MECOM: variants seen among roughly 807,000 people sequenced by gnomAD.
The protein encoded by MECOM is histone-lysine N-methyltransferase MECOM.
Under a neutral mutation model 116.3 loss-of-function variants are expected in MECOM, and 13 were observed. The observed-to-expected ratio is 0.11, with a 90% CI of 0.07 to 0.18. MECOM has a LOEUF of 0.18. Ranked by LOEUF, MECOM falls within the 10% of genes least tolerant of loss-of-function variation. The pLI, the probability that MECOM is intolerant of heterozygous loss-of-function variation, is 1.00. For synonymous variants in MECOM, 528 were observed against 535.2 expected, an observed-to-expected ratio of 0.99 and a Z score of 0.19; for missense variants, 1,299 against 1,509.0, an observed-to-expected ratio of 0.86 and a Z score of 2.31.
chr3:169,363,193 A>C (rs533979111), intron 2 of MECOM, among the ~76,000 whole-genome samples: 1 of 152,028 alleles, frequency 6.6e-6, no homozygotes, highest in Non-Finnish European at 1.5e-5. Flanking sequence ...TTAGCTTTGA[A>C]ACCCTCTGAC....
rs183149158 is a variant in MECOM, at chr3:169,472,503, G to A, written c.38-90979C>T. 2.6e-3 allele frequency among the ~76,000 whole-genome samples: 218 copies of A among 82,828 alleles called. 9 individuals are homozygous for A. Among genetic ancestry groups the A allele is most frequent in the African/African-American group, 8.0e-3 (143 of 17,796 alleles). The allele number at this position is 82,828 out of a possible 152,430, so 54.3% of individuals were successfully genotyped here. A position where few individuals can be genotyped will look rare whatever the true frequency, so the allele number is the denominator to read the frequency against. ...GAAAGGAAAGGAAAGGAAAGGAAAG[G>A]AAAGGAAAGGAAAGGAAAGAAAAGA... On this transcript the variant is annotated intron_variant, in intron 1 of 16. Coordinates refer to ENST00000651503, the MANE Select transcript of MECOM (RefSeq NM_004991.4).
intron 1 of MECOM, among the ~76,000 whole-genome samples, chr3:169,495,669 G>T (rs1431559536): frequency 6.6e-6 from 1 of 152,086 alleles, no homozygotes; most frequent in East Asian, 1.9e-4. Context: ...GAGGCTAAAT[G>T]GCCCAAACCT....
At chr3:169,182,424 G>A (rs1460353491) in intron 2 of MECOM, among the ~76,000 whole-genome samples, 2 of 152,198 alleles carry the variant, frequency 1.3e-5, no homozygotes, top group Non-Finnish European at 2.9e-5. Flanking sequence ...TGATGCACGA[G>A]CTCCGCTGAC....
chr3:169,354,078 G>A (rs1346553628), intron 2 of MECOM, among the ~76,000 whole-genome samples: 7 of 151,712 alleles, frequency 4.6e-5, no homozygotes, highest in Admixed American at 2.6e-4. Context: ...ACATAACAAC[G>A]TGAGTTATAA....
chr3:169,153,877 AT>A (rs780505039), intron 2 of MECOM, among the ~76,000 whole-genome samples: 1 of 152,192 alleles, frequency 6.6e-6, no homozygotes, highest in Non-Finnish European at 1.5e-5. Context: ...GTTTCACAGT[AT>A]TTGTGTTTGT....
At chr3:169,146,818 G>A in intron 2 of MECOM, 1 of 1,094,432 alleles carries the variant, frequency 9.1e-7, no homozygotes. Flanking sequence ...CAACGCTCCT[G>A]CACGAAAATC....
rs375469747 is a variant in MECOM, at chr3:169,251,974, T to C, written c.376-108142A>G. 2.6e-5 allele frequency among the ~76,000 whole-genome samples: 4 copies of C among 152,346 alleles called. No homozygotes were observed. The East Asian group carries it at 7.7e-4, about 29-fold the overall frequency. ...TGTATTCTATACCCATTGTATAGTT[T>C]TTAGATGTACATTTATTTTATTGAG... On this transcript the variant is annotated intron_variant, in intron 2 of 16. Coordinates refer to ENST00000651503, the MANE Select transcript of MECOM (RefSeq NM_004991.4).
intron 2 of MECOM, among the ~76,000 whole-genome samples, chr3:169,345,831 C>T (rs373281973): frequency 5.3e-5 from 8 of 152,058 alleles, no homozygotes; most frequent in East Asian, 3.9e-4. Context: ...TTTTACATAA[C>T]GACATGGCAC....
intron 1 of MECOM, among the ~76,000 whole-genome samples, chr3:169,449,497 C>T (rs1745194819): frequency 6.6e-6 from 1 of 152,060 alleles, no homozygotes; most frequent in Non-Finnish European, 1.5e-5. Context: ...ATCATCAGCT[C>T]AGGATAAATG....
intron 1 of MECOM, among the ~76,000 whole-genome samples, chr3:169,606,147 C>T (rs1047606705): frequency 6.6e-6 from 1 of 152,184 alleles, no homozygotes; most frequent in African/African-American, 2.4e-5. Flanking sequence ...TGCGGTGGCT[C>T]ACGCCTGTAA....
chr3:169,340,191 A>G (rs1724257910), intron 2 of MECOM, among the ~76,000 whole-genome samples: 1 of 152,192 alleles, frequency 6.6e-6, no homozygotes, highest in South Asian at 2.1e-4. Flanking sequence ...ACAAACAAAA[A>G]TGAATGAAGC....
At chr3:169,122,841 T>C in intron 5 of MECOM, 114 bp from the exon 6 acceptor site, 1 of 1,211,936 alleles carries the variant, frequency 8.3e-7, no homozygotes, top group East Asian at 2.4e-5. Flanking sequence ...GGAGTTGAAC[T>C]GAGAAGGAGG....
At chr3:169,521,336 C>T (rs915873598) in intron 1 of MECOM, among the ~76,000 whole-genome samples, 7 of 152,132 alleles carry the variant, frequency 4.6e-5, no homozygotes, top group African/African-American at 1.7e-4. Flanking sequence ...TATTTCTGTC[C>T]TTTAAGAAGT....
intron 2 of MECOM, among the ~76,000 whole-genome samples, chr3:169,358,113 A>G (rs573972447): frequency 2.6e-5 from 4 of 151,906 alleles, no homozygotes; most frequent in Middle Eastern, 3.4e-3. Flanking sequence ...TGGCAAATCC[A>G]CTACTGCAAA....
chr3:169,488,266 C>G (rs1339371096), intron 1 of MECOM, among the ~76,000 whole-genome samples: 2 of 151,416 alleles, frequency 1.3e-5, no homozygotes, highest in African/African-American at 2.4e-5. Context: ...GTAGTTCACA[C>G]CTATAATCGT....
chr3:169,461,478 A>ATT (rs1316478761), intron 1 of MECOM, among the ~76,000 whole-genome samples: 1 of 152,174 alleles, frequency 6.6e-6, no homozygotes, highest in East Asian at 1.9e-4. Flanking sequence ...CAGAATCTTT[A>ATT]TTTTTCAAAT....
intron 1 of MECOM, among the ~76,000 whole-genome samples, chr3:169,440,188 T>C (rs1163770578): frequency 7.1e-6 from 1 of 140,834 alleles, no homozygotes. Flanking sequence ...CTTCTACATA[T>C]ATCATATATG....
intron 2 of MECOM, among the ~76,000 whole-genome samples, chr3:169,186,493 A>C (rs1171737772): frequency 6.6e-6 from 1 of 152,048 alleles, no homozygotes; most frequent in Admixed American, 6.6e-5. Context: ...GTAATTTGTT[A>C]ATCTATAAAG....
At position 169,226,139 on chromosome 3, in the gene MECOM, G is replaced by A. The variant is rs186411455; in HGVS notation, c.376-82307C>T. On this transcript the variant is annotated intron_variant, in intron 2 of 16. Transcript: ENST00000651503. ...CATTTATCTCCTTGTTCTCTTCAAA[G>A]TATTCTCTCACCACCCCTGCCTCAC... Among the ~76,000 whole-genome samples, 762 of 152,234 alleles carry A rather than the reference G, an allele frequency of 5.0e-3. 2 individuals carry two copies. The highest frequency in any genetic ancestry group is 7.5e-3 in the Non-Finnish European group (510 of 68,018).
Sources: gnomAD v4.1 joint callset for allele counts (sites outside exome capture counted in the v4.1 genomes callset) on GRCh38, gnomAD v4.1.1 for gene constraint, MANE v1.5 for transcripts, NCBI Gene and HGNC (gene_info 2026-07-23, HGNC 2026-07-21) for gene names.